FARSB: variants seen among roughly 807,000 people sequenced by gnomAD.
FARSB encodes phenylalanyl-tRNA synthetase subunit beta.
FARSB carries 40 observed loss-of-function variants against 69.6 expected under a neutral mutation model. That is an observed-to-expected ratio of 0.57 (90% confidence interval 0.45 to 0.75). The LOEUF (loss-of-function observed/expected upper bound fraction) is 0.75. Ranked by LOEUF, FARSB falls within the 30% of genes least tolerant of loss-of-function variation. FARSB has a pLI of 0.00. For synonymous variants in FARSB, 235 were observed against 247.2 expected (o/e 0.95, Z 0.46); for missense variants, 632 against 722.9 (o/e 0.87, Z 1.44).
chr2:222,613,760 GA>G lies in FARSB; in HGVS notation c.1462+50del, dbSNP rs556265553. On this transcript the variant is annotated intron_variant, in intron 15 of 16. Transcript: ENST00000281828. ...TATGTATAGTTAAGGTTTTCATAAT[GA>G]AAAAAATGTTTTAAATACACAAATC... 4.1e-4 allele frequency: 490 copies of G among 1,196,956 alleles called. 1 individual carries two copies. In the African/African-American group the frequency reaches 6.5e-3, roughly 16 times the overall value. 74.1% of individuals were successfully genotyped at this position (1,196,956 alleles called of 1,614,324 possible).
In FARSB at chr2:222,586,264, T is replaced by A. The variant is rs183092461; in HGVS notation, c.1618+13664A>T. 1.6e-3 allele frequency among the ~76,000 whole-genome samples: 236 copies of A among 152,136 alleles called. 1 individual carries two copies. The highest frequency in any genetic ancestry group is 0.014 in the Admixed American group (207 of 15,290). Reference sequence around the variant, plus strand: ...AATTTCATATCCAGCCAAACTAAGCTCCATAAGTGAAGGAGAAATAAAATC... The same window carrying A: ...AATTTCATATCCAGCCAAACTAAGCACCATAAGTGAAGGAGAAATAAAATC... On this transcript the variant is annotated intron_variant, in intron 16 of 16. Coordinates refer to ENST00000281828, the MANE Select transcript of FARSB (RefSeq NM_005687.5).
intron 15 of FARSB, among the ~76,000 whole-genome samples, chr2:222,600,812 C>T (rs1443261619): frequency 6.6e-6 from 1 of 152,092 alleles, no homozygotes; most frequent in Non-Finnish European, 1.5e-5. Context: ...GGGGAGGGGT[C>T]ATATAAGAAG....
intron 16 of FARSB, among the ~76,000 whole-genome samples, chr2:222,587,033 T>C (rs900677881): frequency 1.3e-5 from 2 of 152,110 alleles, no homozygotes; most frequent in Admixed American, 1.3e-4. Context: ...GAACTCTCCA[T>C]CCCAAATCAA....
In FARSB at chr2:222,613,876, C is replaced by T. The variant is rs374382545; in HGVS notation, c.1397G>A (p.Arg466His). ...CAGTTTCAGTGGAAGGGGCATCTTACGATTTGCTGCTATGGTCTTCAGGAG... is the reference window on the plus strand; with the variant it reads ...CAGTTTCAGTGGAAGGGGCATCTTATGATTTGCTGCTATGGTCTTCAGGAG... ...PGLLKTIAAN[R>H]KMPLPLKLFE... Residue 466 changes from arginine to histidine, a missense_variant, in exon 15 of 17, where the codon CGT (arginine) becomes CAT (histidine). Arg to His is a conservative substitution (Grantham distance 29). Coordinates refer to ENST00000281828, the MANE Select transcript of FARSB (RefSeq NM_005687.5). 27 of 1,613,838 alleles carry T rather than the reference C, an allele frequency of 1.7e-5. No individual in the cohort carries two copies. The highest frequency in any genetic ancestry group is 2.2e-5 in the East Asian group (1 of 44,860).
At chr2:222,634,779 T>G (rs1439642616) in intron 5 of FARSB, among the ~76,000 whole-genome samples, 1 of 152,214 alleles carries the variant, frequency 6.6e-6, no homozygotes, top group Non-Finnish European at 1.5e-5. Flanking sequence ...CAAAACTACC[T>G]GAAATACATG....
At chr2:222,619,392 G>C (rs1426408090) in intron 14 of FARSB, among the ~76,000 whole-genome samples, 3 of 150,434 alleles carry the variant, frequency 2.0e-5, no homozygotes, top group African/African-American at 7.3e-5. Context: ...GTTCAGACAA[G>C]AGAGATTGGG....
intron 2 of FARSB, among the ~76,000 whole-genome samples, chr2:222,646,158 A>C (rs1244535166): frequency 6.6e-6 from 1 of 152,210 alleles, no homozygotes; most frequent in Non-Finnish European, 1.5e-5. Flanking sequence ...CTAGATTACC[A>C]AATTCTCCAT....
chr2:222,610,738 G>A lies in FARSB; in HGVS notation c.1462+3073C>T, dbSNP rs773439759. Among the ~76,000 whole-genome samples the A allele has an allele frequency of 3.2e-4, 49 of 152,240 alleles. No individual in the cohort carries two copies. The Middle Eastern group carries it at 0.01, about 32-fold the overall frequency. ...ACCAAACACCAACAGTTCTTATTAC[G>A]TGGCTAGAACTTTTCAAACTGCAAT... On this transcript the variant is annotated intron_variant, in intron 15 of 16. Transcript: ENST00000281828.
At chr2:222,633,348 T>A (rs759380089) in intron 6 of FARSB, 41 bp from the exon 7 acceptor site, 202 of 999,446 alleles carry the variant, frequency 2.0e-4, no homozygotes, top group Middle Eastern at 1.5e-3. Context: ...TTTTTTTTTT[T>A]AATTTCTATC....
intron 14 of FARSB, 35 bp from the exon 15 acceptor site, chr2:222,613,963 T>C (rs1690929657): frequency 2.3e-6 from 3 of 1,281,138 alleles, no homozygotes; most frequent in South Asian, 1.2e-5. Context: ...ACTGACCAAA[T>C]AGGACCCAAA....
chr2:222,600,931 T>TA (rs1690539358), intron 15 of FARSB, among the ~76,000 whole-genome samples: 2 of 152,116 alleles, frequency 1.3e-5, no homozygotes, highest in African/African-American at 2.4e-5. Context: ...TCACAAAGCA[T>TA]AAAAAAAGCA....
At chr2:222,575,951 CTT>C (rs746384351) in intron 16 of FARSB, among the ~76,000 whole-genome samples, 5 of 151,308 alleles carry the variant, frequency 3.3e-5, no homozygotes, top group Non-Finnish European at 7.4e-5. Flanking sequence ...TTGCTAAACA[CTT>C]TTCACAGTTT....
chr2:222,606,591 G>A (rs936899562), intron 15 of FARSB, among the ~76,000 whole-genome samples: 2 of 152,202 alleles, frequency 1.3e-5, no homozygotes, highest in African/African-American at 4.8e-5. Flanking sequence ...TCTAAGCTGC[G>A]CAAAGGAGGG....
At chr2:222,597,096 A>G (rs1292984460) in intron 16 of FARSB, among the ~76,000 whole-genome samples, 1 of 152,158 alleles carries the variant, frequency 6.6e-6, no homozygotes, top group Non-Finnish European at 1.5e-5. Flanking sequence ...GGACTCCAAG[A>G]GACTAATGCG....
chr2:222,622,449 A>G (rs974826788), intron 13 of FARSB, among the ~76,000 whole-genome samples: 4 of 152,238 alleles, frequency 2.6e-5, no homozygotes, highest in Non-Finnish European at 5.9e-5. Context: ...AAGAACTGTT[A>G]TGGTTTAATC....
chr2:222,650,920 G>A (rs1273815111), intron 1 of FARSB, among the ~76,000 whole-genome samples: 5 of 152,300 alleles, frequency 3.3e-5, no homozygotes, highest in East Asian at 1.9e-4. Context: ...AATTTGTTAC[G>A]TAGCAACAGA....
intron 15 of FARSB, among the ~76,000 whole-genome samples, chr2:222,604,925 A>G (rs1690661560): frequency 2.0e-5 from 3 of 151,876 alleles, no homozygotes; most frequent in African/African-American, 7.3e-5. Flanking sequence ...AGATAAGCAC[A>G]CACAAATAGC....
chr2:222,624,578 CTTTT>C (rs1559207648), intron 11 of FARSB, 99 bp from the exon 12 acceptor site: 5 of 948,492 alleles, frequency 5.3e-6, no homozygotes, highest in South Asian at 4.6e-5. Context: ...AGTAACCTTT[CTTTT>C]TGAGTTCTAT....
chr2:222,594,843 T>C (rs891964727), intron 16 of FARSB, among the ~76,000 whole-genome samples: 1 of 152,170 alleles, frequency 6.6e-6, no homozygotes, highest in African/African-American at 2.4e-5. Context: ...GCCTTGTGCA[T>C]ACAAGAGAGT....
Sources: gnomAD v4.1 joint callset for allele counts (sites outside exome capture counted in the v4.1 genomes callset) on GRCh38, gnomAD v4.1.1 for gene constraint, MANE v1.5 for transcripts, NCBI Gene and HGNC (gene_info 2026-07-23, HGNC 2026-07-21) for gene names.